The following GRAP2 variants were observed in gnomAD, a reference collection of about 807,000 sequenced individuals.
The protein encoded by GRAP2 is GRB2-related adapter protein 2.
GRAP2 carries 31 observed loss-of-function variants against 43.5 expected under a neutral mutation model. The ratio of observed to expected loss-of-function variants is 0.71; its 90% CI spans 0.54 to 0.96. The LOEUF (loss-of-function observed/expected upper bound fraction) is 0.96. GRAP2 is among the 40% of genes least tolerant of loss of function. The pLI, the probability that GRAP2 is intolerant of heterozygous loss-of-function variation, is 0.00. For missense variants in GRAP2, 371 were observed against 424.4 expected (o/e 0.87, Z 1.11); for synonymous variants, 156 against 164.8 (o/e 0.95, Z 0.41).
At chr22:39,914,646 C>G (rs951146606) in intron 1 of GRAP2, among the ~76,000 whole-genome samples, 4 of 152,260 alleles carry the variant, frequency 2.6e-5, no homozygotes, top group Middle Eastern at 3.4e-3. Flanking sequence ...TATGTTGATG[C>G]ATCCAACATC....
At chr22:39,917,244 C>T (rs190897739) in intron 1 of GRAP2, among the ~76,000 whole-genome samples, 55 of 152,312 alleles carry the variant, frequency 3.6e-4, no homozygotes, top group Admixed American at 2.9e-3. Context: ...GAGCCCTGGC[C>T]CAGTGCAAAG....
intron 1 of GRAP2, among the ~76,000 whole-genome samples, chr22:39,933,213 A>C (rs921561360): frequency 1.7e-4 from 26 of 152,246 alleles, no homozygotes; most frequent in Admixed American, 1.5e-3. Context: ...TGAGAAGCGC[A>C]CTGGATGCAT....
At chr22:39,907,792 G>A (rs2066533430) in intron 1 of GRAP2, among the ~76,000 whole-genome samples, 1 of 152,170 alleles carries the variant, frequency 6.6e-6, no homozygotes, top group Non-Finnish European at 1.5e-5. Context: ...GTTTGATCTG[G>A]CTATGATCTT....
chr22:39,899,219 C>T (rs2066477394), upstream of GRAP2, among the ~76,000 whole-genome samples: 1 of 152,166 alleles, frequency 6.6e-6, no homozygotes, highest in African/African-American at 2.4e-5. Context: ...GCAATCTGTC[C>T]CATGCTTGTA....
chr22:39,918,039 A>G (rs979584760), intron 1 of GRAP2, among the ~76,000 whole-genome samples: 2 of 152,168 alleles, frequency 1.3e-5, no homozygotes, highest in Non-Finnish European at 2.9e-5. Context: ...TTTAGGCATT[A>G]TCTGATTTTT....
intron 2 of GRAP2, among the ~76,000 whole-genome samples, chr22:39,950,268 C>A (rs913727077): frequency 7.9e-5 from 12 of 152,334 alleles, no homozygotes; most frequent in African/African-American, 2.6e-4. Context: ...CCCAACATTT[C>A]ACATAAACTT....
chr22:39,926,925 C>T, intron 1 of GRAP2: 1 of 820,182 alleles, frequency 1.2e-6, no homozygotes, highest in Non-Finnish European at 1.5e-6. Flanking sequence ...CAGAAGCTGC[C>T]ACCCACTGCC....
chr22:39,916,323 C>T (rs532643989), intron 1 of GRAP2, among the ~76,000 whole-genome samples: 5 of 152,154 alleles, frequency 3.3e-5, no homozygotes, highest in Admixed American at 6.5e-5. Context: ...GAGAATTCCA[C>T]GGACCCAAAA....
intron 1 of GRAP2, among the ~76,000 whole-genome samples, chr22:39,943,966 G>A (rs774458037): frequency 1.1e-4 from 16 of 151,998 alleles, no homozygotes; most frequent in Admixed American, 2.0e-4. Context: ...TGATCCGCCC[G>A]CCTCCTGGGA....
upstream of GRAP2, among the ~76,000 whole-genome samples, chr22:39,898,206 T>G (rs1291781561): frequency 6.6e-6 from 1 of 152,200 alleles, no homozygotes; most frequent in East Asian, 1.9e-4. Context: ...GTCCTTTGAT[T>G]TCCCAACGTA....
intron 2 of GRAP2, among the ~76,000 whole-genome samples, chr22:39,953,186 A>G (rs973169399): frequency 1.3e-5 from 2 of 151,934 alleles, no homozygotes; most frequent in African/African-American, 4.8e-5. Context: ...CCAAGCCCCA[A>G]CCTTAGCCTC....
At chr22:39,959,315 G>C (rs1344844849) in intron 3 of GRAP2, among the ~76,000 whole-genome samples, 1 of 152,224 alleles carries the variant, frequency 6.6e-6, no homozygotes, top group East Asian at 1.9e-4. Context: ...TCTGCTAAAA[G>C]AGTAATTTCT....
chr22:39,911,746 A>G (rs2066568683), intron 1 of GRAP2, among the ~76,000 whole-genome samples: 1 of 152,088 alleles, frequency 6.6e-6, no homozygotes, highest in South Asian at 2.1e-4. Context: ...GCCCCTCCCC[A>G]ACCTTTCACG....
intron 1 of GRAP2, among the ~76,000 whole-genome samples, chr22:39,925,770 C>T (rs1490871756): frequency 1.3e-5 from 2 of 152,220 alleles, no homozygotes; most frequent in African/African-American, 2.4e-5. Flanking sequence ...TTACTCTACA[C>T]CAAGCCCCCC....
intron 1 of GRAP2, 31 bp downstream of exon 1, chr22:39,901,361 C>A: frequency 1.3e-6 from 1 of 755,008 alleles, no homozygotes; most frequent in Non-Finnish European, 2.0e-6. Context: ...TGTACATATA[C>A]TCTAGAAACT....
chr22:39,947,093 C>G lies in GRAP2; in HGVS notation c.-14C>G, dbSNP rs1201645381. 6.4e-7 allele frequency: 1 copy of G among 1,563,196 alleles called. No individual in the cohort carries two copies. Among genetic ancestry groups the G allele is most frequent in the Non-Finnish European group, 8.8e-7 (1 of 1,133,556 alleles). ...AATGACCACATTATTTCTCTTCCAG[C>G]TTCACGTTACAGCATGGAAGCTGTT... On this transcript the variant is annotated splice_region_variant and 5_prime_UTR_variant, in exon 2 of 8. Coordinates refer to ENST00000344138, the MANE Select transcript of GRAP2 (RefSeq NM_004810.4).
intron 2 of GRAP2, among the ~76,000 whole-genome samples, chr22:39,952,398 G>T (rs1338103676): frequency 1.3e-5 from 2 of 152,142 alleles, no homozygotes; most frequent in African/African-American, 2.4e-5. Flanking sequence ...TGTGACATTT[G>T]CTACCCTGGC....
chr22:39,941,129 C>T (rs1293025180), intron 1 of GRAP2, among the ~76,000 whole-genome samples: 1 of 152,162 alleles, frequency 6.6e-6, no homozygotes. Flanking sequence ...GGAAATCAAC[C>T]AGAGTAATGC....
At chr22:39,920,943 G>C (rs945043684) in intron 1 of GRAP2, among the ~76,000 whole-genome samples, 43 of 142,548 alleles carry the variant, frequency 3.0e-4, no homozygotes, top group South Asian at 4.7e-4. Flanking sequence ...TCTCTACACA[G>C]ACACACACAC....
Sources: gnomAD v4.1 joint callset for allele counts (sites outside exome capture counted in the v4.1 genomes callset) on GRCh38, gnomAD v4.1.1 for gene constraint, MANE v1.5 for transcripts, NCBI Gene and HGNC (gene_info 2026-07-23, HGNC 2026-07-21) for gene names.